Variants in SHKBP1 observed in about 807,000 individuals in gnomAD.
SHKBP1 encodes SH3KBP1 binding protein 1, also known as SH3KBP1-binding protein 1.
In SHKBP1, 71 loss-of-function variants were observed where a neutral mutation model predicts 83.9. The ratio of observed to expected loss-of-function variants is 0.85; its 90% confidence interval spans 0.70 to 1.03. The LOEUF is 1.03. Ranked by LOEUF, SHKBP1 falls within the 50% of genes least tolerant of loss-of-function variation. SHKBP1 has a pLI of 0.00. For synonymous variants in SHKBP1, 371 were observed against 398.0 expected (o/e 0.93, Z 0.81); for missense variants, 824 against 982.4 (o/e 0.84, Z 2.16).
At chr19:40,588,984 G>A (rs2081334305) in intron 14 of SHKBP1, 98 bp from the exon 15 acceptor site, 8 of 1,369,564 alleles carry the variant, frequency 5.8e-6, no homozygotes, top group African/African-American at 1.4e-5. Flanking sequence ...CTGGGGATGG[G>A]ACTGGGGTCT....
At position 40,586,953 on chromosome 19, in the gene SHKBP1, CTG is replaced by C; in HGVS notation, c.1336+12_1336+13del. 6.3e-7 allele frequency: 1 copy of C among 1,585,126 alleles called. No homozygotes were observed. Among genetic ancestry groups the C allele is most frequent in the Non-Finnish European group, 8.6e-7 (1 of 1,159,698 alleles). On this transcript the variant is annotated intron_variant, in intron 13 of 17. Transcript: ENST00000291842. The stretch of plus-strand genomic sequence containing the variant: ...GAAGCACCTCATCTCAGGTGAGCCT[CTG>C]TGGGGTGCTCCAGTGCTGGGAGAGA...
Position 40,590,732 on chromosome 19 carries a change from G to A in SHKBP1, c.1771G>A (p.Gly591Ser). Residue 591 changes from glycine (G) to serine (S), a missense_variant and splice_region_variant, in exon 17 of 18, where the codon GGT (glycine) becomes AGT (serine). Gly to Ser is a moderately conservative substitution (Grantham distance 56). Around this residue, in one of 3 missense-constraint regions of SHKBP1, gnomAD observed 287 missense variants for 322.9 expected, o/e 0.89. Coordinates refer to ENST00000291842, the MANE Select transcript of SHKBP1 (RefSeq NM_138392.4). The surrounding 1 kb of genome is among the most constrained non-coding windows in gnomAD (Gnocchi z 4.6). The part of the protein sequence containing the change: ...AMDGLGQAPA[G>S]GLTEQELMEQ... ...GACCCTGCTTCCGTGCCCCCCAGCAGGTGGCCTGACGGAGCAAGAGCTGAT... is the reference window on the plus strand; with the variant it reads ...GACCCTGCTTCCGTGCCCCCCAGCAAGTGGCCTGACGGAGCAAGAGCTGAT... 3.1e-6 allele frequency: 5 copies of A among 1,588,578 alleles called. No individual in the cohort carries two copies. The highest frequency in any genetic ancestry group is 4.3e-6 in the Non-Finnish European group (5 of 1,161,828).
Position 40,576,937 on chromosome 19 carries a change from G to A in SHKBP1, c.38G>A (p.Ser13Asn). ...GCTACTGCAGCCGAGGGGGTCCCCA[G>A]TCGGGGGCCTCCCGGGGAAGTCATT... is the stretch of plus-strand genomic sequence containing the variant. The part of the protein sequence containing the change: ...AAATAAEGVP[S>N]RGPPGEVIHL... Residue 13 changes from serine (S) to asparagine (N), a missense_variant, in exon 1 of 18, where the codon AGT becomes AAT. Physicochemically the swap from Ser to Asn is conservative, Grantham distance 46. Transcript: ENST00000291842. The A allele has an allele frequency of 6.7e-7, 1 of 1,495,392 alleles. No individual in the cohort carries two copies. The highest frequency in any genetic ancestry group is 8.9e-7 in the Non-Finnish European group (1 of 1,126,708). The allele number at this position is 1,495,392 out of a possible 1,614,324, so 92.6% of individuals were successfully genotyped here.
intron 11 of SHKBP1, 44 bp downstream of exon 11, chr19:40,583,529 G>A (rs2081287258): frequency 2.5e-6 from 4 of 1,609,630 alleles, no homozygotes; most frequent in Middle Eastern, 1.6e-4. Context: ...CCCTCCCCTG[G>A]GAGAGGGGAA....
chr19:40,583,534 G>C, intron 11 of SHKBP1, 49 bp downstream of exon 11: 2 of 1,610,710 alleles, frequency 1.2e-6, no homozygotes, highest in Non-Finnish European at 8.5e-7. Context: ...CCCTGGGAGA[G>C]GGGAAGGGAG....
intron 6 of SHKBP1, among the ~76,000 whole-genome samples, chr19:40,579,088 G>T: frequency 1.3e-5 from 2 of 151,342 alleles, no homozygotes; most frequent in South Asian, 4.1e-4. Context: ...CCTGTTTTCC[G>T]AAAAACAATC....
Position 40,580,307 on chromosome 19 carries a change from T to C in SHKBP1, c.401-17T>C, listed in dbSNP as rs545649127. On this transcript the variant is annotated splice_polypyrimidine_tract_variant and intron_variant, in intron 6 of 17. Transcript: ENST00000291842. The stretch of plus-strand genomic sequence containing the variant: ...CGATTACAATGACTGTTACTCTACC[T>C]CTTATTCTCACTGTAGTGTTCCCAG... 25 of 1,606,694 alleles carry C rather than the reference T, an allele frequency of 1.6e-5. No homozygotes were observed. The African/African-American group carries it at 3.2e-4, about 21-fold the overall frequency.
intron 7 of SHKBP1, 33 bp downstream of exon 7, chr19:40,580,518 C>T (rs776812073): frequency 2.5e-6 from 4 of 1,613,924 alleles, no homozygotes; most frequent in Non-Finnish European, 3.4e-6. Context: ...GTTGGGGCAG[C>T]TGTGGGGTCC....
chr19:40,583,323 C>T, intron 10 of SHKBP1, 75 bp from the exon 11 acceptor site: 1 of 1,279,880 alleles, frequency 7.8e-7, no homozygotes, highest in Non-Finnish European at 1.1e-6. Context: ...GAGGGCCCAT[C>T]CTCTGTGAGG....
intron 13 of SHKBP1, among the ~76,000 whole-genome samples, chr19:40,588,399 G>A (rs1415350562): frequency 6.6e-6 from 1 of 152,234 alleles, no homozygotes; most frequent in Non-Finnish European, 1.5e-5. Context: ...GACCGGTGTG[G>A]GGCAGAGGAT....
intron 6 of SHKBP1, among the ~76,000 whole-genome samples, chr19:40,578,766 G>T (rs576752903): frequency 6.6e-6 from 1 of 152,264 alleles, no homozygotes; most frequent in South Asian, 2.1e-4. Flanking sequence ...ATGTCCTGGA[G>T]CCCCATGGGA....
intron 6 of SHKBP1, 146 bp from the exon 7 acceptor site, chr19:40,580,178 A>T (rs534692428): frequency 2.2e-6 from 2 of 900,314 alleles, no homozygotes; most frequent in Admixed American, 2.8e-5. Flanking sequence ...GTGTCATTTC[A>T]TGCTGTGTCA....
rs763118955 is a variant in SHKBP1 at position 40,590,235 on chromosome 19, AC to A, written c.1590-3del. 7.4e-5 allele frequency: 115 copies of A among 1,559,358 alleles called. No homozygotes were observed. The highest frequency in any genetic ancestry group is 9.4e-5 in the Non-Finnish European group (108 of 1,152,650). Reference sequence around the variant, plus strand: ...CGAGGGTGACCACCTCCCCCACTGCACCCCCCAGGGTGTGCTCCGTGCGCTC... The same window carrying A: ...CGAGGGTGACCACCTCCCCCACTGCACCCCCAGGGTGTGCTCCGTGCGCTC... On this transcript the variant is annotated splice_polypyrimidine_tract_variant and splice_region_variant and intron_variant, in intron 15 of 17. Coordinates refer to ENST00000291842, the MANE Select transcript of SHKBP1 (RefSeq NM_138392.4). This position sits in a 1 kb window ranked among gnomAD's most constrained non-coding sequence, Gnocchi z 4.6.
intron 12 of SHKBP1, among the ~76,000 whole-genome samples, chr19:40,584,359 G>A (rs1055762311): frequency 6.6e-6 from 1 of 152,168 alleles, no homozygotes; most frequent in African/African-American, 2.4e-5. Context: ...ATGAACCTGA[G>A]TTCTCTTACT....
Position 40,591,065 on chromosome 19 carries a change from G to A in SHKBP1, c.1982G>A (p.Gly661Asp). Reference sequence around the variant, plus strand: ...GCTGAGGCCCGGCGCCGTGGTGGGGGCAGCTTTGTGGAACGCTGCCAGGAA... The same window carrying A: ...GCTGAGGCCCGGCGCCGTGGTGGGGACAGCTTTGTGGAACGCTGCCAGGAA... ...PQAEARRRGG[G>D]SFVERCQELV... The change falls in exon 18 of 18, where the codon GGC becomes GAC. Residue 661 changes from glycine (G) to aspartate (D), a missense_variant. This residue lies in a region of SHKBP1 where 287 missense variants were observed against 322.9 expected (regional missense o/e 0.89). Coordinates refer to ENST00000291842, the MANE Select transcript of SHKBP1 (RefSeq NM_138392.4). 3.7e-6 allele frequency: 6 copies of A among 1,612,908 alleles called. No homozygotes were observed. The highest frequency in any genetic ancestry group is 5.1e-6 in the Non-Finnish European group (6 of 1,179,228).
In SHKBP1 at chr19:40,591,238, C is replaced by T; in HGVS notation, c.*31C>T. The T allele has an allele frequency of 6.5e-7, 1 of 1,537,338 alleles. No homozygotes were observed. Among genetic ancestry groups the T allele is most frequent in the Non-Finnish European group, 8.8e-7 (1 of 1,131,862 alleles). ...GCAGCTGCCATGATGCCTTGGGATG[C>T]CCTGGTCCTGGGGGACTCAGGTGCC... is the stretch of plus-strand genomic sequence containing the variant. On this transcript the variant is annotated 3_prime_UTR_variant, in exon 18 of 18. Transcript: ENST00000291842.
In SHKBP1 at chr19:40,583,495, A is replaced by C. The variant is rs1181223104; in HGVS notation, c.1048+10A>C. The C allele has an allele frequency of 6.2e-7, 1 of 1,613,162 alleles. No individual in the cohort carries two copies. The highest frequency in any genetic ancestry group is 2.2e-5 in the East Asian group (1 of 44,840). ...TCCATTTACTACGTGGGTGAGCAGC[A>C]GCCTGTGTCCCGGGTGCCCGAGACC... is the stretch of plus-strand genomic sequence containing the variant. On this transcript the variant is annotated intron_variant, in intron 11 of 17. Coordinates refer to ENST00000291842, the MANE Select transcript of SHKBP1 (RefSeq NM_138392.4).
chr19:40,578,155 G>A lies in SHKBP1; in HGVS notation c.262G>A (p.Gly88Ser). The change falls in exon 5 of 18, where the codon GGT becomes AGT. Residue 88 changes from glycine to serine, a missense_variant and splice_region_variant. This residue lies in a region of SHKBP1 where 355 missense variants were observed against 386.4 expected (regional missense o/e 0.92). Coordinates refer to ENST00000291842, the MANE Select transcript of SHKBP1 (RefSeq NM_138392.4). ...FLRTKELDPRGVHGSSLLHEA... is the reference protein window; with the variant it reads ...FLRTKELDPRSVHGSSLLHEA... ...CCTCTAGTCAATTCTACTACCCAGGGGTGTCCACGGTTCCAGCCTCCTCCA... is the reference window on the plus strand; with the variant it reads ...CCTCTAGTCAATTCTACTACCCAGGAGTGTCCACGGTTCCAGCCTCCTCCA... 1 of 1,613,842 alleles carries A rather than the reference G, an allele frequency of 6.2e-7. No individual in the cohort carries two copies. The highest frequency in any genetic ancestry group is 8.5e-7 in the Non-Finnish European group (1 of 1,179,788).
At chr19:40,577,078 G>T in intron 1 of SHKBP1, 93 bp downstream of exon 1, 1 of 1,310,182 alleles carries the variant, frequency 7.6e-7, no homozygotes. Context: ...GTCCATCAAG[G>T]GTTGCTCCGC....
Sources: allele counts gnomAD v4.1 joint callset (sites outside exome capture counted in the v4.1 genomes callset), GRCh38; gene constraint gnomAD v4.1.1; regional missense constraint gnomAD v4.1.1; non-coding constraint Gnocchi (gnomAD v3.1); transcripts MANE v1.5; gene names NCBI Gene and HGNC (gene_info 2026-07-23, HGNC 2026-07-21).